ACYP2: variants seen among roughly 807,000 people sequenced by gnomAD.
ACYP2 encodes acylphosphatase-2.
Under a neutral mutation model 11.2 loss-of-function variants are expected in ACYP2, and 12 were observed. The ratio of observed to expected loss-of-function variants is 1.08; its 90% CI spans 0.69 to 1.74. The LOEUF is 1.74. ACYP2 is among the 40% of genes most tolerant of loss of function. The pLI is 0.00. For missense variants in ACYP2, 134 were observed against 101.9 expected, an observed-to-expected ratio of 1.31 and a Z score of -1.35; for synonymous variants, 43 against 32.2, an observed-to-expected ratio of 1.33 and a Z score of -1.13.
At chr2:54,174,772 A>G (rs541960986) in intron 6 of ACYP2, among the ~76,000 whole-genome samples, 18 of 152,244 alleles carry the variant, frequency 1.2e-4, no homozygotes, top group Admixed American at 9.8e-4. Flanking sequence ...TTCTGCATCT[A>G]TTGAGATAAT....
chr2:54,011,859 G>C (rs1673390371), intron 2 of ACYP2, among the ~76,000 whole-genome samples: 1 of 151,924 alleles, frequency 6.6e-6, no homozygotes, highest in Admixed American at 6.6e-5. Flanking sequence ...GTTTTAAATG[G>C]TTTCAAGTCT....
At chr2:54,031,045 A>T (rs1278976216) in intron 2 of ACYP2, among the ~76,000 whole-genome samples, 1 of 152,226 alleles carries the variant, frequency 6.6e-6, no homozygotes, top group Non-Finnish European at 1.5e-5. Context: ...ACACAATGTG[A>T]CATGTGCTAT....
intron 6 of ACYP2, among the ~76,000 whole-genome samples, chr2:54,272,320 A>T (rs1400121990): frequency 1.3e-5 from 2 of 152,162 alleles, no homozygotes; most frequent in African/African-American, 2.4e-5. Flanking sequence ...TGGCAGGTTT[A>T]TCTCTACCCA....
intron 2 of ACYP2, among the ~76,000 whole-genome samples, chr2:54,033,897 A>G (rs1203433601): frequency 6.6e-6 from 1 of 152,266 alleles, no homozygotes; most frequent in Non-Finnish European, 1.5e-5. Context: ...TCCCAGAAAT[A>G]CATGCTGTCA....
At chr2:54,091,524 T>C (rs1033966094) in intron 4 of ACYP2, among the ~76,000 whole-genome samples, 2 of 151,190 alleles carry the variant, frequency 1.3e-5, no homozygotes, top group Admixed American at 6.6e-5. Flanking sequence ...TTTATTTATT[T>C]ATTTATTGAG....
At chr2:54,271,140 C>T (rs1328188982) in intron 6 of ACYP2, among the ~76,000 whole-genome samples, 2 of 152,208 alleles carry the variant, frequency 1.3e-5, no homozygotes, top group Admixed American at 1.3e-4. Context: ...TATAGTTTGA[C>T]TTTGAACCAA....
chr2:54,156,383 C>T (rs1048729397), intron 6 of ACYP2, among the ~76,000 whole-genome samples: 14 of 152,206 alleles, frequency 9.2e-5, no homozygotes, highest in Non-Finnish European at 1.8e-4. Flanking sequence ...TTAAGCCCCG[C>T]ATGCATTAGC....
intron 6 of ACYP2, among the ~76,000 whole-genome samples, chr2:54,250,594 T>C (rs1016589525): frequency 1.3e-5 from 2 of 152,372 alleles, no homozygotes; most frequent in African/African-American, 4.8e-5. Context: ...CTTAAAATTA[T>C]GTGATATGAA....
intron 2 of ACYP2, among the ~76,000 whole-genome samples, chr2:54,001,603 T>C (rs1010368057): frequency 2.0e-5 from 3 of 152,070 alleles, no homozygotes; most frequent in African/African-American, 7.2e-5. Flanking sequence ...TATGTTGGCT[T>C]CACTGGTCTC....
At chr2:54,135,254 A>C in intron 4 of ACYP2, among the ~76,000 whole-genome samples, 199 bp from the exon 2 acceptor site, 1 of 152,206 alleles carries the variant, frequency 6.6e-6, no homozygotes, top group East Asian at 1.9e-4. Flanking sequence ...AAGGCATTCA[A>C]TTTAAAACTT....
intron 2 of ACYP2, among the ~76,000 whole-genome samples, chr2:54,019,581 A>G (rs921467262): frequency 5.3e-5 from 8 of 151,736 alleles, no homozygotes; most frequent in Non-Finnish European, 7.4e-5. Context: ...GATTACAGGC[A>G]TGAGCCACCA....
rs572895289 is a variant in ACYP2, at chr2:53,994,006, A to G, written c.62+20196A>G. 4.7e-3 allele frequency among the ~76,000 whole-genome samples: 718 copies of G among 152,252 alleles called. 5 individuals are homozygous for G. Among genetic ancestry groups the G allele is most frequent in the African/African-American group, 0.017 (693 of 41,548 alleles). On this transcript the variant is annotated intron_variant, in intron 2 of 6. Transcript: ENST00000607452. ...TGAGACCATCCTGGCTAACACAGTGAAACCCCGTCTCTACTAAAAATCGTA... is the reference window on the plus strand; with the variant it reads ...TGAGACCATCCTGGCTAACACAGTGGAACCCCGTCTCTACTAAAAATCGTA...
chr2:54,154,959 T>C (rs1682365018), intron 6 of ACYP2, among the ~76,000 whole-genome samples: 1 of 152,180 alleles, frequency 6.6e-6, no homozygotes, highest in Non-Finnish European at 1.5e-5. Flanking sequence ...ACCAATTCAA[T>C]TATTATTGGT....
intron 6 of ACYP2, among the ~76,000 whole-genome samples, chr2:54,259,165 G>A (rs148925428): frequency 6.6e-6 from 1 of 152,374 alleles, no homozygotes; most frequent in Non-Finnish European, 1.5e-5. Flanking sequence ...TGGAAGCAGA[G>A]ATGGTGAAGG....
chr2:54,074,578 TTGTGTGTGTGTGTGTGTGTGTGTG>T (rs59845178), intron 4 of ACYP2, among the ~76,000 whole-genome samples: 5 of 145,950 alleles, frequency 3.4e-5, no homozygotes, highest in African/African-American at 1.0e-4. Flanking sequence ...AGAACAGAAT[TTGTGTGTGTGTGTGTGTGTGTGTG>T]TGTGTGTGTG....
chr2:54,115,971 G>A (rs9808326), intron 4 of ACYP2, among the ~76,000 whole-genome samples: 1 of 150,886 alleles, frequency 6.6e-6, no homozygotes, highest in African/African-American at 2.5e-5. Flanking sequence ...AGGGAAGTGG[G>A]GGAGCGGGAG....
chr2:54,279,426 C>T (rs1042677307), intron 6 of ACYP2, among the ~76,000 whole-genome samples: 6 of 152,150 alleles, frequency 3.9e-5, no homozygotes, highest in Non-Finnish European at 7.3e-5. Context: ...TACTATCTGG[C>T]CTTTTATTGA....
At chr2:54,010,537 G>A (rs568173172) in intron 2 of ACYP2, among the ~76,000 whole-genome samples, 1 of 150,932 alleles carries the variant, frequency 6.6e-6, no homozygotes, top group South Asian at 2.1e-4. Flanking sequence ...ATTGTACATT[G>A]TATGCCTGTA....
intron 2 of ACYP2, among the ~76,000 whole-genome samples, chr2:53,981,371 C>T (rs891647326): frequency 6.6e-6 from 1 of 152,108 alleles, no homozygotes; most frequent in African/African-American, 2.4e-5. Context: ...AATAATTTTC[C>T]TATTACAGAA....
Sources: allele counts gnomAD v4.1 joint callset (sites outside exome capture counted in the v4.1 genomes callset), GRCh38; gene constraint gnomAD v4.1.1; transcripts MANE v1.5; gene names NCBI Gene and HGNC (gene_info 2026-07-23, HGNC 2026-07-21).